The following CTSC variants were observed in gnomAD, a reference collection of about 807,000 sequenced individuals.
The protein encoded by CTSC is dipeptidyl peptidase 1.
Under a neutral mutation model 40.9 loss-of-function variants are expected in CTSC, and 37 were observed. That is an observed-to-expected ratio of 0.91 (90% CI 0.70 to 1.19). CTSC has a LOEUF of 1.19. Ranked by LOEUF, CTSC falls within the 50% of genes most tolerant of loss-of-function variation. The probability of loss-of-function intolerance (pLI) is 0.00; values close to 1 mark genes in which losing one functional copy is unlikely to be tolerated. For synonymous variants in CTSC, 232 were observed against 207.4 expected (o/e 1.12, Z -1.02); for missense variants, 594 against 567.3 (o/e 1.05, Z -0.48).
chr11:88,317,347 G>C (rs1216247718), intron 2 of CTSC, among the ~76,000 whole-genome samples: 1 of 152,060 alleles, frequency 6.6e-6, no homozygotes, highest in Non-Finnish European at 1.5e-5. Context: ...CTACAACTTT[G>C]TTTTTGTTGT....
Position 88,337,732 on chromosome 11 carries a change from G to C in CTSC, c.-60C>G. ...CCAGGAAGCCGAGCGCTGCGGGCTA[G>C]CGGTGAGTCCACCACGAGGCGCGCG... is the stretch of plus-strand genomic sequence containing the variant. On this transcript the variant is annotated 5_prime_UTR_variant, in exon 1 of 7. Coordinates refer to ENST00000227266, the MANE Select transcript of CTSC (RefSeq NM_001814.6). The C allele has an allele frequency of 1.9e-6, 3 of 1,539,966 alleles. No homozygotes were observed. The African/African-American group carries it at 4.1e-5, about 21-fold the overall frequency.
intron 5 of CTSC, chr11:88,297,554 C>T (rs1230050732): frequency 6.6e-6 from 1 of 152,240 alleles, no homozygotes; most frequent in Non-Finnish European, 1.5e-5. Flanking sequence ...TTTCTTGGCC[C>T]ATAGCAGCCA....
Position 88,293,911 on chromosome 11 carries a change from CT to C in CTSC, c.*94del. On this transcript the variant is annotated 3_prime_UTR_variant, in exon 7 of 7. Transcript: ENST00000227266. ...ATCTTCATGGAAATCTATTTGTAAGCTTCTGAGATTGCTGCTGAAAGTCTAC... is the reference window on the plus strand; with the variant it reads ...ATCTTCATGGAAATCTATTTGTAAGCTCTGAGATTGCTGCTGAAAGTCTAC... 1 of 1,368,900 alleles carries C rather than the reference CT, an allele frequency of 7.3e-7. No individual in the cohort carries two copies. The highest frequency in any genetic ancestry group is 1.0e-6 in the Non-Finnish European group (1 of 968,070). 84.8% of individuals were successfully genotyped at this position (1,368,900 alleles called of 1,614,324 possible).
At chr11:88,325,895 C>T (rs1938169285) in intron 2 of CTSC, 3 of 988,598 alleles carry the variant, frequency 3.0e-6, no homozygotes, top group Non-Finnish European at 3.6e-6. Context: ...ATCCAAGGGC[C>T]TTATTTTCTC....
intron 4 of CTSC, among the ~76,000 whole-genome samples, chr11:88,301,835 C>G (rs11019236): frequency 0.025 from 3,762 of 150,504 alleles, 111 homozygotes; most frequent in African/African-American, 0.067. Flanking sequence ...CACACACACA[C>G]AGAGAGAGAA....
chr11:88,336,282 T>C (rs1050622415), intron 1 of CTSC, among the ~76,000 whole-genome samples: 3 of 150,148 alleles, frequency 2.0e-5, no homozygotes, highest in African/African-American at 7.4e-5. Flanking sequence ...GACTCCCGCC[T>C]GTAATCCCAG....
intron 2 of CTSC, chr11:88,326,347 G>C: frequency 6.2e-7 from 1 of 1,613,814 alleles, no homozygotes; most frequent in South Asian, 1.1e-5. Context: ...GCTACAGGTA[G>C]GTCCACACTG....
chr11:88,330,337 CTGAG>C (rs1468477549), intron 2 of CTSC, among the ~76,000 whole-genome samples: 2 of 151,974 alleles, frequency 1.3e-5, no homozygotes, highest in African/African-American at 2.4e-5. Context: ...CTGGAGGATG[CTGAG>C]TAAGAAAAAA....
At position 88,309,143 on chromosome 11, in the gene CTSC, T is replaced by G. The variant is rs750983855; in HGVS notation, c.641+20A>C. On this transcript the variant is annotated intron_variant, in intron 4 of 6. Transcript: ENST00000227266. ...TCAGCATTCATATTTTTATTAATGATAAAATGTGTGCTTGATTACCTTGGG... is the reference window on the plus strand; with the variant it reads ...TCAGCATTCATATTTTTATTAATGAGAAAATGTGTGCTTGATTACCTTGGG... The G allele has an allele frequency of 8.7e-6, 14 of 1,609,990 alleles. No homozygotes were observed. The highest frequency in any genetic ancestry group is 6.7e-5 in the Admixed American group (4 of 59,942).
In CTSC at chr11:88,294,319, A is replaced by G. The variant is rs756218369; in HGVS notation, c.1079T>C (p.Met360Thr). The G allele has an allele frequency of 6.2e-7, 1 of 1,614,152 alleles. No homozygotes were observed. The highest frequency in any genetic ancestry group is 8.5e-7 in the Non-Finnish European group (1 of 1,180,018). ...GFYGGCNEAL[M>T]KLELVHHGPM... ...CCCATGATGGACCAACTCAAGCTTC[A>G]TCAGGGCTTCATTGCAGCCTCCATA... Residue 360 changes from methionine to threonine, a missense_variant, in exon 7 of 7, where the codon ATG becomes ACG. Physicochemically the swap from Met to Thr is moderately conservative, Grantham distance 81 (BLOSUM62 -1). Coordinates refer to ENST00000227266, the MANE Select transcript of CTSC (RefSeq NM_001814.6).
Position 88,296,255 on chromosome 11 carries a change from C to T in CTSC, c.767G>A (p.Gly256Asp), listed in dbSNP as rs759823992. 5 of 1,613,844 alleles carry T rather than the reference C, an allele frequency of 3.1e-6. No homozygotes were observed. The highest frequency in any genetic ancestry group is 4.2e-6 in the Non-Finnish European group (5 of 1,179,864). ...CATAGAAGCAAATGAGTAGCAGCTG[C>T]CACAGGATGCTGGCGATGAAAAAAA... ...VSPVRNQASC[G>D]SCYSFASMGM... Residue 256 changes from glycine to aspartate, a missense_variant, in exon 6 of 7, where the codon GGC (glycine) becomes GAC (aspartate). Physicochemically the swap from Gly to Asp is moderately conservative, Grantham distance 94. Coordinates refer to ENST00000227266, the MANE Select transcript of CTSC (RefSeq NM_001814.6).
chr11:88,294,557 TC>T, intron 6 of CTSC, 49 bp from the exon 7 acceptor site: 2 of 1,601,914 alleles, frequency 1.2e-6, no homozygotes, highest in South Asian at 1.1e-5. Flanking sequence ...AAAAGGATTA[TC>T]CCATTTTCTA....
intron 2 of CTSC, among the ~76,000 whole-genome samples, chr11:88,332,754 C>A (rs1195192741): frequency 6.6e-6 from 1 of 152,124 alleles, no homozygotes; most frequent in Non-Finnish European, 1.5e-5. Flanking sequence ...ATGGTTTTGT[C>A]AAATGGGCAC....
At chr11:88,299,664 G>A (rs1320598936) in intron 5 of CTSC, 1 of 152,132 alleles carries the variant, frequency 6.6e-6, no homozygotes, top group Non-Finnish European at 1.5e-5. Flanking sequence ...TTATCTTTGG[G>A]TACTATAAAT....
In CTSC at chr11:88,337,655, G is replaced by A. The variant is rs780992959; in HGVS notation, c.18C>T (p.Ser6=). The change falls in exon 1 of 7, where the codon TCC becomes TCT. Residue 6 remains serine (S), a synonymous_variant. Transcript: ENST00000227266. ...GCAGCAGGAGGGCGGCGAGCAGCAAGGAGGGCCCAGCACCCATGCTGCAGG... is the reference window on the plus strand; with the variant it reads ...GCAGCAGGAGGGCGGCGAGCAGCAAAGAGGGCCCAGCACCCATGCTGCAGG... MGAGP[S]LLLAALLLLL... The A allele has an allele frequency of 6.3e-7, 1 of 1,580,108 alleles. No homozygotes were observed. The highest frequency in any genetic ancestry group is 1.2e-5 in the South Asian group (1 of 86,538).
rs980530081 is a variant in CTSC at position 88,330,377 on chromosome 11, T to G, written c.318+4560A>C. Among the ~76,000 whole-genome samples the G allele has an allele frequency of 2.6e-5, 4 of 152,020 alleles. No homozygotes were observed. The East Asian group carries it at 7.7e-4, about 29-fold the overall frequency. On this transcript the variant is annotated intron_variant, in intron 2 of 6. Transcript: ENST00000227266. ...TCTTTCATTTTTTTATTATTATTAT[T>G]ATTTTGAGACACCCAGGCTGGAGTG...
At chr11:88,303,880 GC>G (rs1221105832) in intron 4 of CTSC, among the ~76,000 whole-genome samples, 1 of 152,094 alleles carries the variant, frequency 6.6e-6, no homozygotes, top group Non-Finnish European at 1.5e-5. Context: ...TTAGAGTGCT[GC>G]CCTGGGCAGG....
intron 2 of CTSC, chr11:88,320,827 C>A (rs1473255422): frequency 1.1e-6 from 1 of 870,782 alleles, no homozygotes; most frequent in Non-Finnish European, 1.4e-6. Context: ...ACATAACATT[C>A]TTTATTTTAC....
rs138955874 is a variant in CTSC at position 88,336,899 on chromosome 11, A to C, written c.172+602T>G. On this transcript the variant is annotated intron_variant, in intron 1 of 6. Coordinates refer to ENST00000227266, the MANE Select transcript of CTSC (RefSeq NM_001814.6). ...ATTGTGCAGACTCTGGGCATTTCTA[A>C]TTACTAGGTTCAGAGTTAAGTTTTC... 3.8e-3 allele frequency among the ~76,000 whole-genome samples: 581 copies of C among 152,298 alleles called. 6 individuals carry two copies. The highest frequency in any genetic ancestry group is 0.014 in the African/African-American group (563 of 41,558).
Sources: gnomAD v4.1 joint callset for allele counts (sites outside exome capture counted in the v4.1 genomes callset) on GRCh38, gnomAD v4.1.1 for gene constraint, MANE v1.5 for transcripts, NCBI Gene and HGNC (gene_info 2026-07-23, HGNC 2026-07-21) for gene names.